Variants in RNF38 observed in about 807,000 individuals in gnomAD.
RNF38 encodes ring finger protein 38.
RNF38 carries 15 observed loss-of-function variants against 67.2 expected under a neutral mutation model. The observed-to-expected ratio is 0.22, with a 90% CI of 0.15 to 0.34. RNF38 has a LOEUF of 0.34. RNF38 is among the 10% of genes least tolerant of loss of function. RNF38 has a pLI of 1.00. For synonymous variants in RNF38, 220 were observed against 218.8 expected, an observed-to-expected ratio of 1.01 and a Z score of -0.05; for missense variants, 524 against 639.9, an observed-to-expected ratio of 0.82 and a Z score of 1.95.
upstream of RNF38, chr9:36,401,058 CG>C: frequency 2.0e-6 from 2 of 984,952 alleles, no homozygotes; most frequent in Non-Finnish European, 2.4e-6. Context: ...TTCTTGGGTC[CG>C]GGTCGCCCGT....
At chr9:36,487,297 G>A (rs1212649149) in intron 1 of RNF38, 27 of 985,004 alleles carry the variant, frequency 2.7e-5, no homozygotes, top group Middle Eastern at 5.2e-4. Context: ...GCCCGCTCCG[G>A]GACCCCGTAC....
At chr9:36,391,450 G>T (rs1837078590) in intron 1 of RNF38, among the ~76,000 whole-genome samples, 1 of 151,270 alleles carries the variant, frequency 6.6e-6, no homozygotes, top group African/African-American at 2.4e-5. Flanking sequence ...TCTTCTTGGG[G>T]GGTTAAGGCT....
At chr9:36,365,744 C>T (rs1021261154) in intron 4 of RNF38, among the ~76,000 whole-genome samples, 10 of 132,732 alleles carry the variant, frequency 7.5e-5, no homozygotes, top group Non-Finnish European at 1.2e-4. Context: ...TGGCTCACTG[C>T]AACCTCCGCC....
chr9:36,432,619 C>T (rs1838957406), intron 1 of RNF38, among the ~76,000 whole-genome samples: 1 of 151,778 alleles, frequency 6.6e-6, no homozygotes, highest in Non-Finnish European at 1.5e-5. Flanking sequence ...ATGGTGAAAC[C>T]CCGTCTCTAC....
At chr9:36,465,330 C>G (rs1271818841) in intron 1 of RNF38, among the ~76,000 whole-genome samples, 5 of 152,136 alleles carry the variant, frequency 3.3e-5, no homozygotes, top group Non-Finnish European at 7.3e-5. Context: ...CACAAGTGTT[C>G]ATAGCAGCAT....
At chr9:36,394,971 G>C (rs10814382) in intron 1 of RNF38, among the ~76,000 whole-genome samples, 82,128 of 151,980 alleles carry the variant, frequency 0.54, 23,323 homozygotes, top group Non-Finnish European at 0.65. Flanking sequence ...GTCCTGCCAA[G>C]GAAACATCCT....
chr9:36,438,764 A>C (rs1341327892), intron 1 of RNF38, among the ~76,000 whole-genome samples: 2 of 152,248 alleles, frequency 1.3e-5, no homozygotes, highest in African/African-American at 4.8e-5. Context: ...ACCCAGCTGA[A>C]TAGGTGAGAG....
chr9:36,467,529 A>G (rs1270587598), intron 1 of RNF38, among the ~76,000 whole-genome samples: 1 of 152,094 alleles, frequency 6.6e-6, no homozygotes, highest in Non-Finnish European at 1.5e-5. Context: ...GACAATAAGG[A>G]GGTCAGATTA....
At chr9:36,359,511 T>C (rs1459771330) in intron 4 of RNF38, among the ~76,000 whole-genome samples, 1 of 152,182 alleles carries the variant, frequency 6.6e-6, no homozygotes, top group African/African-American at 2.4e-5. Flanking sequence ...TAAAAATTCA[T>C]TAAGTACGCA....
At chr9:36,409,965 T>C (rs942114027) in intron 2 of RNF38, among the ~76,000 whole-genome samples, 1 of 152,202 alleles carries the variant, frequency 6.6e-6, no homozygotes, top group Non-Finnish European at 1.5e-5. Flanking sequence ...TATCTTCCCC[T>C]GGCTTGCTTG....
intron 3 of RNF38, among the ~76,000 whole-genome samples, 178 bp from the exon 4 acceptor site, chr9:36,370,110 T>A (rs1010820147): frequency 6.6e-6 from 1 of 152,194 alleles, no homozygotes; most frequent in Non-Finnish European, 1.5e-5. Context: ...GTATATGTTT[T>A]ATACAATAAT....
intron 1 of RNF38, among the ~76,000 whole-genome samples, chr9:36,426,639 G>A (rs998948418): frequency 5.9e-5 from 9 of 152,052 alleles, no homozygotes; most frequent in African/African-American, 1.9e-4. Flanking sequence ...CTCTTGTTGG[G>A]TCACTTGATC....
chr9:36,464,166 AAAACAAAC>A (rs748880201), intron 1 of RNF38, among the ~76,000 whole-genome samples: 16 of 151,794 alleles, frequency 1.1e-4, no homozygotes, highest in Admixed American at 2.0e-4. Context: ...TCTGTCTCAA[AAAACAAAC>A]AAACAAACAA....
chr9:36,361,230 C>T (rs990508463), intron 4 of RNF38, among the ~76,000 whole-genome samples: 3 of 151,878 alleles, frequency 2.0e-5, no homozygotes, highest in Non-Finnish European at 4.4e-5. Flanking sequence ...CGGCTCACTG[C>T]AACCTCTGCC....
intron 10 of RNF38, among the ~76,000 whole-genome samples, chr9:36,342,668 T>C (rs10814375): frequency 0.53 from 79,838 of 152,020 alleles, 22,025 homozygotes; most frequent in Non-Finnish European, 0.63. Flanking sequence ...GATTCTATAC[T>C]ATTTAAAAAA....
intron 1 of RNF38, among the ~76,000 whole-genome samples, chr9:36,399,775 A>AT (rs1191853839): frequency 1.3e-5 from 2 of 152,042 alleles, no homozygotes; most frequent in Admixed American, 6.6e-5. Flanking sequence ...ATAAAAGGGA[A>AT]TTTTTTTTAA....
chr9:36,371,069 C>T (rs148056750), intron 3 of RNF38, among the ~76,000 whole-genome samples: 2 of 152,296 alleles, frequency 1.3e-5, no homozygotes, highest in African/African-American at 4.8e-5. Context: ...ACAAAAGCAA[C>T]TTGAAAAAGT....
At chr9:36,390,793 T>G (rs948836236) in intron 1 of RNF38, among the ~76,000 whole-genome samples, 177 bp from the exon 2 acceptor site, 1 of 152,250 alleles carries the variant, frequency 6.6e-6, no homozygotes, top group Non-Finnish European at 1.5e-5. Context: ...AGGTTGCCTC[T>G]GGCAATGGAT....
intron 2 of RNF38, among the ~76,000 whole-genome samples, chr9:36,409,783 CT>C (rs2134192969): frequency 6.6e-6 from 1 of 152,332 alleles, no homozygotes; most frequent in Admixed American, 6.5e-5. Context: ...CTGTATCCTC[CT>C]GCCCGTGCCA....
Sources: allele counts gnomAD v4.1 joint callset (sites outside exome capture counted in the v4.1 genomes callset), GRCh38; gene constraint gnomAD v4.1.1; transcripts MANE v1.5; gene names NCBI Gene and HGNC (gene_info 2026-07-23, HGNC 2026-07-21).